CCSER1: variants seen among roughly 807,000 people sequenced by gnomAD.
CCSER1 encodes the protein coiled-coil serine rich protein 1.
Under a neutral mutation model 82.0 loss-of-function variants are expected in CCSER1, and 41 were observed. The ratio of observed to expected loss-of-function variants is 0.50; its 90% CI spans 0.39 to 0.65. The LOEUF is 0.65. CCSER1 is among the 30% of genes least tolerant of loss of function. The probability of loss-of-function intolerance (pLI) is 0.00; values close to 1 mark genes in which losing one functional copy is unlikely to be tolerated. For synonymous variants in CCSER1, 414 were observed against 383.9 expected, an observed-to-expected ratio of 1.08 and a Z score of -0.92; for missense variants, 1,119 against 1,064.2, an observed-to-expected ratio of 1.05 and a Z score of -0.72.
intron 8 of CCSER1, among the ~76,000 whole-genome samples, chr4:90,907,960 A>G (rs1053621645): frequency 6.6e-6 from 1 of 152,160 alleles, no homozygotes; most frequent in African/African-American, 2.4e-5. Flanking sequence ...ATGCCACTCC[A>G]GCCTTATGCA....
chr4:90,409,045 A>T (rs1560470814), intron 4 of CCSER1, among the ~76,000 whole-genome samples: 1 of 152,202 alleles, frequency 6.6e-6, no homozygotes, highest in Non-Finnish European at 1.5e-5. Context: ...GGAAGACAAA[A>T]TGAATGAAAT....
intron 1 of CCSER1, among the ~76,000 whole-genome samples, chr4:90,266,823 G>A (rs927304023): frequency 3.3e-4 from 50 of 151,958 alleles, no homozygotes; most frequent in African/African-American, 1.2e-3. Flanking sequence ...ACTGTCTGGG[G>A]TCCTAAATAA....
At chr4:90,948,144 C>A (rs1394808642) in intron 9 of CCSER1, among the ~76,000 whole-genome samples, 1 of 151,458 alleles carries the variant, frequency 6.6e-6, no homozygotes, top group Admixed American at 6.6e-5. Flanking sequence ...TTTTTCCAGT[C>A]TGTAATTAAT....
chr4:91,003,530 C>G (rs1306386388), intron 9 of CCSER1, among the ~76,000 whole-genome samples: 4 of 152,056 alleles, frequency 2.6e-5, no homozygotes, highest in African/African-American at 9.7e-5. Flanking sequence ...CAGGCCTCAC[C>G]CAGCACCCAC....
intron 10 of CCSER1, among the ~76,000 whole-genome samples, chr4:91,491,484 TGAA>T (rs1182438259): frequency 3.9e-5 from 6 of 151,980 alleles, no homozygotes; most frequent in African/African-American, 9.7e-5. Context: ...TGCAACAAAA[TGAA>T]GAAAAATTTA....
chr4:91,420,088 C>G (rs1020387823), intron 10 of CCSER1, among the ~76,000 whole-genome samples: 1 of 151,988 alleles, frequency 6.6e-6, no homozygotes, highest in Non-Finnish European at 1.5e-5. Flanking sequence ...ATCTGAAACT[C>G]TAAAAGTCCT....
intron 4 of CCSER1, among the ~76,000 whole-genome samples, chr4:90,440,396 C>A (rs1759695287): frequency 6.6e-6 from 1 of 152,152 alleles, no homozygotes; most frequent in African/African-American, 2.4e-5. Context: ...GCCAATGATA[C>A]TTATTCAGGA....
intron 5 of CCSER1, among the ~76,000 whole-genome samples, chr4:90,627,226 A>G (rs1322362034): frequency 1.3e-5 from 2 of 152,180 alleles, no homozygotes; most frequent in African/African-American, 4.8e-5. Context: ...TTTACTAATT[A>G]TCTAGTAATT....
intron 10 of CCSER1, among the ~76,000 whole-genome samples, chr4:91,348,483 C>T (rs1162782475): frequency 6.6e-6 from 1 of 151,998 alleles, no homozygotes; most frequent in Non-Finnish European, 1.5e-5. Flanking sequence ...TAATGATGGC[C>T]TAGAAGAATG....
rs190799122 is a variant in CCSER1, at chr4:91,022,256, G to T, written c.2173-63694G>T. 7.2e-3 allele frequency among the ~76,000 whole-genome samples: 1,085 copies of T among 150,276 alleles called. 11 individuals are homozygous for T. Among genetic ancestry groups the T allele is most frequent in the African/African-American group, 0.025 (1,022 of 40,834 alleles). ...TATGAGTGAGAACATGCGGTGTTTG[G>T]TTTTTTTGTCCTTGTGATAGTTTGC... On this transcript the variant is annotated intron_variant, in intron 9 of 10. Coordinates refer to ENST00000509176, the MANE Select transcript of CCSER1 (RefSeq NM_001145065.2).
rs1757819336 is a variant in CCSER1, at chr4:90,428,370, C to A, written c.1603+28241C>A. 2.0e-5 allele frequency among the ~76,000 whole-genome samples: 3 copies of A among 151,934 alleles called. No homozygotes were observed. In the South Asian group the frequency reaches 6.2e-4, roughly 32 times the overall value. On this transcript the variant is annotated intron_variant, in intron 4 of 10. Coordinates refer to ENST00000509176, the MANE Select transcript of CCSER1 (RefSeq NM_001145065.2). ...CCTTGAACTACTCAGGGTTGCCAAA[C>A]CCCCATGCAGCTAGAAATCCATGTA...
At chr4:91,361,901 G>T (rs1749271082) in intron 10 of CCSER1, among the ~76,000 whole-genome samples, 1 of 151,510 alleles carries the variant, frequency 6.6e-6, no homozygotes, top group Non-Finnish European at 1.5e-5. Context: ...TATATGAGGT[G>T]GTACAAAAAT....
chr4:91,131,982 T>G (rs539883584), intron 10 of CCSER1, among the ~76,000 whole-genome samples: 3 of 152,006 alleles, frequency 2.0e-5, no homozygotes, highest in South Asian at 2.1e-4. Flanking sequence ...ATATCTAGAT[T>G]ATATATTGTT....
At chr4:90,457,871 C>T (rs1032334232) in intron 4 of CCSER1, among the ~76,000 whole-genome samples, 4 of 152,178 alleles carry the variant, frequency 2.6e-5, no homozygotes, top group African/African-American at 9.7e-5. Flanking sequence ...CATCATCAAC[C>T]TGCCATCCAC....
chr4:90,344,533 A>T (rs1741984412), intron 3 of CCSER1, among the ~76,000 whole-genome samples: 2 of 152,106 alleles, frequency 1.3e-5, no homozygotes, highest in African/African-American at 4.8e-5. Flanking sequence ...AATAGATATT[A>T]AAAATATTGT....
At chr4:91,582,225 A>G (rs1386162777) in intron 10 of CCSER1, among the ~76,000 whole-genome samples, 2 of 151,568 alleles carry the variant, frequency 1.3e-5, no homozygotes, top group African/African-American at 2.4e-5. Context: ...AAGTTTGTGC[A>G]GAAACCACTT....
intron 10 of CCSER1, among the ~76,000 whole-genome samples, chr4:91,342,742 G>A (rs888244301): frequency 2.0e-5 from 3 of 152,054 alleles, no homozygotes; most frequent in African/African-American, 7.2e-5. Context: ...CTTCTAAAAT[G>A]TTTCAATTAC....
chr4:90,163,645 C>G (rs1490578722), intron 1 of CCSER1, among the ~76,000 whole-genome samples: 1 of 152,018 alleles, frequency 6.6e-6, no homozygotes, highest in African/African-American at 2.4e-5. Context: ...GAGGTATTTT[C>G]TATTGTTATT....
intron 7 of CCSER1, among the ~76,000 whole-genome samples, chr4:90,747,091 G>A (rs1747605897): frequency 6.6e-6 from 1 of 152,106 alleles, no homozygotes; most frequent in African/African-American, 2.4e-5. Context: ...AGGAGGGTAA[G>A]GGAGGAGATG....
Sources: allele counts gnomAD v4.1 joint callset (sites outside exome capture counted in the v4.1 genomes callset), GRCh38; gene constraint gnomAD v4.1.1; transcripts MANE v1.5; gene names NCBI Gene and HGNC (gene_info 2026-07-23, HGNC 2026-07-21).